RBM28: variants seen among roughly 807,000 people sequenced by gnomAD.
The protein encoded by RBM28 is RNA-binding protein 28.
A neutral mutation model predicts 98.3 loss-of-function variants in RBM28; 78 were observed. The observed-to-expected ratio is 0.79, with a 90% confidence interval of 0.66 to 0.96. The LOEUF (loss-of-function observed/expected upper bound fraction) is 0.96, where lower values mean the gene tolerates loss of function less well. Among genes scored for constraint, RBM28 ranks in the 40% least tolerant of loss-of-function variants. RBM28 has a pLI of 0.00. For synonymous variants in RBM28, 306 were observed against 330.9 expected, an observed-to-expected ratio of 0.92 and a Z score of 0.82; for missense variants, 838 against 913.0, an observed-to-expected ratio of 0.92 and a Z score of 1.06.
chr7:128,332,858 C>G (rs535547308), intron 9 of RBM28, among the ~76,000 whole-genome samples: 1 of 152,142 alleles, frequency 6.6e-6, no homozygotes. Flanking sequence ...GCCACCCCCA[C>G]TCCCACCTAG....
Position 128,323,514 on chromosome 7 carries a change from C to T in RBM28, c.1404+13G>A, listed in dbSNP as rs1472412119. 6.2e-7 allele frequency: 1 copy of T among 1,614,114 alleles called. No homozygotes were observed. The highest frequency in any genetic ancestry group is 2.2e-5 in the East Asian group (1 of 44,884). The stretch of plus-strand genomic sequence containing the variant: ...CCACGCAGAACGTGAAGGTCAATGC[C>T]TAATCTACTCACCCGTTCTCTTTTG... On this transcript the variant is annotated intron_variant, in intron 13 of 18. Transcript: ENST00000223073.
chr7:128,335,781 A>G (rs1796584094), intron 7 of RBM28, 66 bp downstream of exon 7: 1 of 1,613,498 alleles, frequency 6.2e-7, no homozygotes, highest in Non-Finnish European at 8.5e-7. Context: ...GAAAAAGGAG[A>G]ATTTTTCCTC....
Position 128,333,302 on chromosome 7 carries a change from G to A in RBM28, c.1007C>T (p.Thr336Ile), listed in dbSNP as rs372130158. Residue 336 changes from threonine (T) to isoleucine (I), a missense_variant, in exon 9 of 19, where the codon ACT becomes ATT. Physicochemically the swap from Thr to Ile is moderately conservative, Grantham distance 89. Transcript: ENST00000223073. Reference protein sequence around the residue: ...KLPSDVNEGKTVFIRNLSFDS... With the variant: ...KLPSDVNEGKIVFIRNLSFDS... ...CAGAAAGACATACCTGATAAAAACA[G>A]TTTTCCCTTCATTCACATCAGAGGG... is the stretch of plus-strand genomic sequence containing the variant. 3.0e-5 allele frequency: 48 copies of A among 1,598,362 alleles called. No individual in the cohort carries two copies. The African/African-American group carries it at 5.9e-4, about 20-fold the overall frequency.
Position 128,323,576 on chromosome 7 carries a change from G to C in RBM28, c.1355C>G (p.Thr452Arg). 1.9e-6 allele frequency: 3 copies of C among 1,614,194 alleles called. 1 individual carries two copies. The South Asian group carries it at 3.3e-5, about 18-fold the overall frequency. The change falls in exon 13 of 19, where the codon ACG becomes AGG. Residue 452 changes from threonine to arginine, a missense_variant. By Grantham distance (71) the Thr-to-Arg change is moderately conservative. Coordinates refer to ENST00000223073, the MANE Select transcript of RBM28 (RefSeq NM_018077.3). ...LAREGLIRAG[T>R]KAAEGVSAAD... ...AGCACTCACACCCTCTGCAGCCTTC[G>C]TCCCAGCACGAATCACTGCAGAAAG...
intron 8 of RBM28, 38 bp from the exon 9 acceptor site, chr7:128,333,400 AGTGT>A: frequency 2.0e-6 from 3 of 1,477,540 alleles, no homozygotes; most frequent in Non-Finnish European, 2.8e-6. Flanking sequence ...GAAAGAGATT[AGTGT>A]AAGCCACATG....
intron 5 of RBM28, 24 bp downstream of exon 5, chr7:128,338,226 A>G (rs748363157): frequency 2.6e-6 from 4 of 1,560,450 alleles, no homozygotes; most frequent in Non-Finnish European, 3.5e-6. Flanking sequence ...ATCTGGGTCA[A>G]TGATATGGGT....
At chr7:128,337,598 G>T (rs112419228) in intron 5 of RBM28, among the ~76,000 whole-genome samples, 1 of 135,710 alleles carries the variant, frequency 7.4e-6, no homozygotes, top group African/African-American at 2.8e-5. Context: ...TCGCTCTGTC[G>T]CCCAGGCTGG....
chr7:128,336,232 C>A (rs1246520202), intron 6 of RBM28, among the ~76,000 whole-genome samples, 190 bp from the exon 7 acceptor site: 2 of 152,184 alleles, frequency 1.3e-5, no homozygotes, highest in Non-Finnish European at 2.9e-5. Context: ...ACAAAACTCT[C>A]AACACCCAGA....
intron 16 of RBM28, among the ~76,000 whole-genome samples, chr7:128,317,105 A>G (rs547904493): frequency 6.6e-6 from 1 of 152,340 alleles, no homozygotes; most frequent in East Asian, 1.9e-4. Context: ...GTCCTCAGCA[A>G]TCATGTGAGG....
At chr7:128,339,427 G>A (rs1796674094) in intron 2 of RBM28, 106 bp from the exon 3 acceptor site, 3 of 1,159,898 alleles carry the variant, frequency 2.6e-6, no homozygotes, top group Admixed American at 2.0e-5. Flanking sequence ...TTACCACAGG[G>A]TTAAGTGTGG....
Position 128,343,871 on chromosome 7 carries a change from A to AGGAC in RBM28, c.-82_-79dup, listed in dbSNP as rs1796787245. On this transcript the variant is annotated 5_prime_UTR_variant, in exon 1 of 19. Coordinates refer to ENST00000223073, the MANE Select transcript of RBM28 (RefSeq NM_018077.3). ...CGCGAGCCGAAACGCTGGCTTTGGT[A>AGGAC]GGACAACCAAGCTCACACGCCGAGA... 2 of 1,000,408 alleles carry AGGAC rather than the reference A, an allele frequency of 2.0e-6. No individual in the cohort carries two copies. Among genetic ancestry groups the AGGAC allele is most frequent in the East Asian group, 5.8e-5 (2 of 34,352 alleles). The allele number at this position is 1,000,408 out of a possible 1,614,324, so 62.0% of individuals were successfully genotyped here.
chr7:128,335,970 T>C lies in RBM28; in HGVS notation c.686A>G (p.Glu229Gly). ...KKKGREEEDM[E>G]EEENDDDDDD... ...GTCATCATCATCGTTTTCTTCCTCT[T>C]CCATATCCTCTTCCTCTCTGCCCTT... Residue 229 changes from glutamate to glycine, a missense_variant, in exon 7 of 19, where the codon GAA (glutamate) becomes GGA (glycine). Transcript: ENST00000223073. The C allele has an allele frequency of 6.2e-7, 1 of 1,610,316 alleles. No homozygotes were observed. The highest frequency in any genetic ancestry group is 8.5e-7 in the Non-Finnish European group (1 of 1,176,794).
chr7:128,312,745 A>G (rs1428905648), intron 18 of RBM28, among the ~76,000 whole-genome samples: 1 of 152,198 alleles, frequency 6.6e-6, no homozygotes. Context: ...TTAATATATC[A>G]TTTGTGTAGT....
Position 128,315,087 on chromosome 7 carries a change from A to C in RBM28, c.1789-67T>G. The C allele has an allele frequency of 3.8e-6, 6 of 1,596,488 alleles. No individual in the cohort carries two copies. The South Asian group carries it at 5.5e-5, about 15-fold the overall frequency. ...TTTGTTTGCTGCAAATACTCAGCAGAAGATGAGCTTTATGTGAGCTAGATG... is the reference window on the plus strand; with the variant it reads ...TTTGTTTGCTGCAAATACTCAGCAGCAGATGAGCTTTATGTGAGCTAGATG... On this transcript the variant is annotated intron_variant, in intron 16 of 18. Coordinates refer to ENST00000223073, the MANE Select transcript of RBM28 (RefSeq NM_018077.3).
intron 1 of RBM28, among the ~76,000 whole-genome samples, chr7:128,342,984 C>G (rs780369904): frequency 3.3e-5 from 5 of 152,180 alleles, no homozygotes. Flanking sequence ...ACCCCTTTCC[C>G]TGGCTTATTT....
Position 128,297,807 on chromosome 7 carries a change from A to G in RBM28, c.*12990T>C, listed in dbSNP as rs1349221189. On this transcript the variant is annotated 3_prime_UTR_variant, in exon 19 of 19. Coordinates refer to ENST00000223073, the MANE Select transcript of RBM28 (RefSeq NM_018077.3). ...GTGGCACATATACACATATGCAGCC[A>G]TAAAAAATGATGAGTTCATGTCCTT... The G allele has an allele frequency of 1.3e-5, 2 of 152,080 alleles. No homozygotes were observed. The highest frequency in any genetic ancestry group is 4.8e-5 in the African/African-American group (2 of 41,412). The allele number at this position is 152,080 out of a possible 1,614,324, so 9.4% of individuals were successfully genotyped here.
At chr7:128,325,004 C>T (rs1796317262) in intron 11 of RBM28, among the ~76,000 whole-genome samples, 1 of 151,580 alleles carries the variant, frequency 6.6e-6, no homozygotes, top group Admixed American at 6.6e-5. Context: ...AGCGAGACTC[C>T]ACCTCAAAAA....
intron 8 of RBM28, among the ~76,000 whole-genome samples, chr7:128,334,180 GAA>G (rs1461826306): frequency 2.0e-5 from 3 of 152,146 alleles, no homozygotes; most frequent in Non-Finnish European, 4.4e-5. Context: ...TTGTTTTCAA[GAA>G]CAGACATATA....
At chr7:128,340,904 A>G (rs1250322645) in intron 1 of RBM28, among the ~76,000 whole-genome samples, 3 of 152,252 alleles carry the variant, frequency 2.0e-5, no homozygotes, top group African/African-American at 7.2e-5. Flanking sequence ...AATGTCACAC[A>G]GGGTGTTAGT....
Sources: gnomAD v4.1 joint callset for allele counts (sites outside exome capture counted in the v4.1 genomes callset) on GRCh38, gnomAD v4.1.1 for gene constraint, MANE v1.5 for transcripts, NCBI Gene and HGNC (gene_info 2026-07-23, HGNC 2026-07-21) for gene names.